Variants in LGI4 observed in about 807,000 individuals in gnomAD.
LGI4 encodes the protein leucine-rich repeat LGI family member 4.
Under a neutral mutation model 48.3 loss-of-function variants are expected in LGI4, and 36 were observed. The ratio of observed to expected loss-of-function variants is 0.75; its 90% CI spans 0.57 to 0.98. LGI4 has a LOEUF of 0.98. Ranked by LOEUF, LGI4 falls within the 50% of genes least tolerant of loss-of-function variation. The pLI is 0.00. For synonymous variants in LGI4, 355 were observed against 331.6 expected (o/e 1.07, Z -0.77); for missense variants, 701 against 732.1 (o/e 0.96, Z 0.49).
intron 3 of LGI4, among the ~76,000 whole-genome samples, chr19:35,132,258 C>T (rs955705520): frequency 3.3e-5 from 5 of 152,070 alleles, no homozygotes; most frequent in African/African-American, 1.2e-4. Context: ...TCACTGTGAA[C>T]ATTGTCCTGC....
At position 35,125,104 on chromosome 19, in the gene LGI4, A is replaced by G. The variant is rs553972151; in HGVS notation, c.*89T>C. 3.4e-6 allele frequency: 4 copies of G among 1,171,224 alleles called. No individual in the cohort carries two copies. In the South Asian group the frequency reaches 6.9e-5, roughly 20 times the overall value. 72.6% of individuals were successfully genotyped at this position (1,171,224 alleles called of 1,614,324 possible). On this transcript the variant is annotated 3_prime_UTR_variant, in exon 9 of 9. Transcript: ENST00000310123. Reference sequence around the variant, plus strand: ...GAACGTGGCCCACGGTCAGCAGCTCACAGGCGGGCCATCACCCCAAGTAGG... The same window carrying G: ...GAACGTGGCCCACGGTCAGCAGCTCGCAGGCGGGCCATCACCCCAAGTAGG...
intron 6 of LGI4, among the ~76,000 whole-genome samples, chr19:35,130,619 C>T (rs2065168193): frequency 6.6e-6 from 1 of 152,196 alleles, no homozygotes; most frequent in African/African-American, 2.4e-5. Flanking sequence ...ATCTCTTGAG[C>T]ACAGGAGTTT....
intron 6 of LGI4, among the ~76,000 whole-genome samples, chr19:35,128,581 T>C (rs1000687788): frequency 1.3e-5 from 2 of 152,054 alleles, no homozygotes; most frequent in African/African-American, 4.8e-5. Flanking sequence ...ATGGTGGTGG[T>C]GCACCTGTAG....
At position 35,126,705 on chromosome 19, in the gene LGI4, C is replaced by G; in HGVS notation, c.864G>C (p.Trp288Cys). 1 of 1,538,528 alleles carries G rather than the reference C, an allele frequency of 6.5e-7. No homozygotes were observed. The change falls in exon 8 of 9, where the codon TGG (tryptophan) becomes TGC (cysteine). Residue 288 changes from tryptophan to cysteine, a missense_variant. This residue lies in a region of LGI4 where 462 missense variants were observed against 436.4 expected (regional missense o/e 1.06). Transcript: ENST00000310123. ...PSLFVLAARL[W>C]GGSQLWARPS... ...GCCGGGCCCACAGCTGTGAGCCCCC[C>G]CACAGGCGGGCAGCCAGCACGAAGA...
chr19:35,132,498 G>T (rs2065182873), intron 3 of LGI4, among the ~76,000 whole-genome samples: 1 of 151,138 alleles, frequency 6.6e-6, no homozygotes, highest in African/African-American at 2.4e-5. Context: ...AGCATCATCT[G>T]TAATGACCAA....
intron 4 of LGI4, 42 bp downstream of exon 4, chr19:35,131,929 T>G: frequency 6.4e-7 from 1 of 1,571,466 alleles, no homozygotes; most frequent in Non-Finnish European, 8.6e-7. Flanking sequence ...GGGTGGAGCA[T>G]GGGTGCCTCT....
chr19:35,131,431 G>T lies in LGI4; in HGVS notation c.583C>A (p.Gln195Lys). The change falls in exon 6 of 9, where the codon CAG becomes AAG. Residue 195 changes from glutamine (Q) to lysine (K), a missense_variant. By Grantham distance (53) the Gln-to-Lys change is moderately conservative (BLOSUM62 1). This residue lies in a region of LGI4 where 462 missense variants were observed against 436.4 expected (regional missense o/e 1.06). Coordinates refer to ENST00000310123, the MANE Select transcript of LGI4 (RefSeq NM_139284.3). ...GTCTTGGGGTCGAGGTGGTGGAGCT[G>T]CATGTGGCTCAGGGAGGCGGGGCCC... ...CAGPASLSHM[Q>K]LHHLDPKTFK... 6.4e-7 allele frequency: 1 copy of T among 1,552,466 alleles called. No homozygotes were observed. Among genetic ancestry groups the T allele is most frequent in the South Asian group, 1.2e-5 (1 of 84,114 alleles).
chr19:35,130,725 CCCTTCAGGCTTAAACT>C (rs1332505989), intron 6 of LGI4, among the ~76,000 whole-genome samples: 10 of 152,190 alleles, frequency 6.6e-5, no homozygotes. Context: ...TGTGTAAAGA[CCCTTCAGGCTTAAACT>C]CCTTCAGGAA....
rs1307760211 is a variant in LGI4 at position 35,131,384 on chromosome 19, A to G, written c.628+2T>C. On this transcript the variant is annotated splice_donor_variant, in intron 6 of 8. Transcript: ENST00000310123. LOFTEE classifies it high-confidence loss of function. ...TCCCACCCCATCGGGAAAGCCCCCC[A>G]CCTATGGCTCTGCACTTGAAAGTCT... 1.3e-6 allele frequency: 2 copies of G among 1,549,076 alleles called. No individual in the cohort carries two copies. Among genetic ancestry groups the G allele is most frequent in the Non-Finnish European group, 1.7e-6 (2 of 1,145,970 alleles).
At chr19:35,131,730 C>A in intron 5 of LGI4, 59 bp downstream of exon 5, 1 of 1,430,556 alleles carries the variant, frequency 7.0e-7, no homozygotes, top group Non-Finnish European at 9.6e-7. Flanking sequence ...GGCACGGATG[C>A]CCCCCGCCGA....
chr19:35,127,891 T>C (rs573743954), intron 6 of LGI4, among the ~76,000 whole-genome samples: 1 of 152,336 alleles, frequency 6.6e-6, no homozygotes, highest in South Asian at 2.1e-4. Context: ...GGAGAGAGGA[T>C]TGGAGCTGGT....
intron 2 of LGI4, 23 bp downstream of exon 2, chr19:35,134,010 C>T (rs372694544): frequency 1.4e-5 from 21 of 1,552,732 alleles, no homozygotes; most frequent in Middle Eastern, 3.3e-4. Context: ...AGCTGGTTGT[C>T]GGCCCAGCCA....
At chr19:35,129,059 C>T (rs773452814) in intron 6 of LGI4, among the ~76,000 whole-genome samples, 4 of 152,082 alleles carry the variant, frequency 2.6e-5, no homozygotes, top group African/African-American at 7.2e-5. Flanking sequence ...TGATCTGTGC[C>T]GTGTTTGTTA....
chr19:35,132,781 TCA>T (rs1300868673), intron 3 of LGI4, among the ~76,000 whole-genome samples: 1 of 151,972 alleles, frequency 6.6e-6, no homozygotes, highest in African/African-American at 2.4e-5. Context: ...TGCAGCACTA[TCA>T]CACACATCAG....
In LGI4 at chr19:35,126,570, C is replaced by A; in HGVS notation, c.999G>T (p.Val333=). The A allele has an allele frequency of 6.5e-7, 1 of 1,539,686 alleles. No homozygotes were observed. The highest frequency in any genetic ancestry group is 8.7e-7 in the Non-Finnish European group (1 of 1,148,218). ...TGCTGCCCGCCTTGGAGGCATCGGC[C>A]ACCACGAAGCAGGGTTGCCCTTCCA... ...LWLEGQPCFV[V]ADASKAGSTT... Residue 333 remains valine (V), a synonymous_variant, in exon 8 of 9, where the codon GTG becomes GTT. Transcript: ENST00000310123.
intron 1 of LGI4, 92 bp downstream of exon 1, chr19:35,134,417 CCT>C (rs1332376494): frequency 3.1e-6 from 4 of 1,293,306 alleles, no homozygotes; most frequent in African/African-American, 1.5e-5. Context: ...CTGATGGGCC[CCT>C]GTTTCCCTGG....
At chr19:35,125,999 G>A (rs981159579) in intron 8 of LGI4, 1 of 569,016 alleles carries the variant, frequency 1.8e-6, no homozygotes, top group Non-Finnish European at 3.2e-6. Flanking sequence ...GGTGGGGACA[G>A]GTGTGGCTGT....
At chr19:35,130,989 G>A (rs866043247) in intron 6 of LGI4, 5 of 542,716 alleles carry the variant, frequency 9.2e-6, no homozygotes, top group Middle Eastern at 4.8e-4. Flanking sequence ...ATCCTAAAAG[G>A]CAACAAAATC....
At position 35,125,707 on chromosome 19, in the gene LGI4, C is replaced by G. The variant is rs188344140; in HGVS notation, c.1300-200G>C. The G allele has an allele frequency of 5.7e-4, 401 of 700,304 alleles. 2 individuals carry two copies. In the African/African-American group the frequency reaches 6.6e-3, roughly 12 times the overall value. 43.4% of individuals were successfully genotyped at this position (700,304 alleles called of 1,614,324 possible). A position where few individuals can be genotyped will look rare whatever the true frequency, so the allele number is the denominator to read the frequency against. On this transcript the variant is annotated intron_variant, in intron 8 of 8. Coordinates refer to ENST00000310123, the MANE Select transcript of LGI4 (RefSeq NM_139284.3). ...CCCTCACGCCCCACACAGAAGCACT[C>G]AGCCATGGACTCTGTCAGTTTCACC...
Sources: gnomAD v4.1 joint callset for allele counts (sites outside exome capture counted in the v4.1 genomes callset) on GRCh38, gnomAD v4.1.1 for gene constraint, gnomAD v4.1.1 regional missense constraint, MANE v1.5 for transcripts, NCBI Gene and HGNC (gene_info 2026-07-23, HGNC 2026-07-21) for gene names.